ZNF274: variants seen among roughly 807,000 people sequenced by gnomAD.
ZNF274 encodes zinc finger protein 274.
Under a neutral mutation model 42.5 loss-of-function variants are expected in ZNF274, and 23 were observed. The observed-to-expected ratio is 0.54, with a 90% CI of 0.39 to 0.77. The LOEUF is 0.77. Ranked by LOEUF, ZNF274 falls within the 30% of genes least tolerant of loss-of-function variation. ZNF274 has a pLI of 0.00. For missense variants in ZNF274, 679 were observed against 806.5 expected (o/e 0.84, Z 1.91); for synonymous variants, 292 against 305.4 (o/e 0.96, Z 0.46).
intron 4 of ZNF274, among the ~76,000 whole-genome samples, chr19:58,200,397 ATAAAT>A (rs2075895929): frequency 6.6e-6 from 1 of 152,232 alleles, no homozygotes; most frequent in Non-Finnish European, 1.5e-5. Flanking sequence ...GATAGACATG[ATAAAT>A]TAATGAATCA....
At chr19:58,199,151 A>AG (rs2075878903) in intron 4 of ZNF274, among the ~76,000 whole-genome samples, 1 of 152,052 alleles carries the variant, frequency 6.6e-6, no homozygotes. Flanking sequence ...GGATCACCTG[A>AG]GGTCAGGAGT....
intron 4 of ZNF274, among the ~76,000 whole-genome samples, chr19:58,198,736 A>G (rs1422289114): frequency 6.6e-6 from 1 of 152,054 alleles, no homozygotes; most frequent in Admixed American, 6.6e-5. Flanking sequence ...CAAACAAAAC[A>G]TGGAAAGATT....
chr19:58,185,489 A>G (rs1388701691), intron 2 of ZNF274: 2 of 286,464 alleles, frequency 7.0e-6, no homozygotes, highest in East Asian at 1.2e-4. Context: ...CATATGCTAC[A>G]GAGATCTCAT....
At chr19:58,204,387 G>C (rs1324890265) in intron 4 of ZNF274, among the ~76,000 whole-genome samples, 3 of 152,124 alleles carry the variant, frequency 2.0e-5, no homozygotes, top group Non-Finnish European at 4.4e-5. Flanking sequence ...GGCGTTGTAG[G>C]CGTCGACCCA....
At position 58,188,694 on chromosome 19, in the gene ZNF274, GTATATATATA is replaced by G. The variant is rs71925177; in HGVS notation, c.256+1673_256+1682del. ...TGTGTGTGTATATATATATGTATAT[GTATATATATA>G]TATATATATATATATATATAAATCT... On this transcript the variant is annotated intron_variant, in intron 4 of 7. Transcript: ENST00000617501. Among the ~76,000 whole-genome samples the G allele has an allele frequency of 5.1e-3, 382 of 74,662 alleles. 9 individuals are homozygous for G. Among genetic ancestry groups the G allele is most frequent in the African/African-American group, 0.019 (354 of 18,522 alleles). The allele number at this position is 74,662 out of a possible 152,430, so 49.0% of individuals were successfully genotyped here.
intron 4 of ZNF274, among the ~76,000 whole-genome samples, chr19:58,202,915 TACAGAACAGAGTGTGGGGCCTC>T (rs1167501653): frequency 2.0e-5 from 3 of 152,036 alleles, no homozygotes; most frequent in Non-Finnish European, 2.9e-5. Flanking sequence ...GATAACTGTG[TACAGAACAGAGTGTGGGGCCTC>T]ATGGGTTAAT....
At chr19:58,203,091 A>G (rs2075933705) in intron 4 of ZNF274, among the ~76,000 whole-genome samples, 1 of 152,170 alleles carries the variant, frequency 6.6e-6, no homozygotes, top group Admixed American at 6.5e-5. Flanking sequence ...TTATGAAGTA[A>G]CGTTTAAGAT....
rs534052562 is a variant in ZNF274 at position 58,209,683 on chromosome 19, A to C, written c.740-278A>C. 3.7e-5 allele frequency: 10 copies of C among 273,588 alleles called. No homozygotes were observed. The Admixed American group carries it at 5.3e-4, about 15-fold the overall frequency. 16.9% of individuals were successfully genotyped at this position (273,588 alleles called of 1,614,324 possible). On this transcript the variant is annotated intron_variant, in intron 5 of 7. Coordinates refer to ENST00000617501, the MANE Select transcript of ZNF274 (RefSeq NM_133502.3). ...GGCTGGGGCCCTCAGCAGCCCCCGGAAAGGGAAGGAGTGGGACCAGAGTCT... is the reference window on the plus strand; with the variant it reads ...GGCTGGGGCCCTCAGCAGCCCCCGGCAAGGGAAGGAGTGGGACCAGAGTCT...
chr19:58,213,038 T>C lies in ZNF274; in HGVS notation c.1857T>C (p.Tyr619=). 6.2e-7 allele frequency: 1 copy of C among 1,614,014 alleles called. No individual in the cohort carries two copies. Among genetic ancestry groups the C allele is most frequent in the South Asian group, 1.1e-5 (1 of 91,078 alleles). ...HQRTHTGERP[Y]ACNKCGKAFT... is the part of the protein sequence containing the mutation. ...GGACTCACACCGGGGAGCGCCCATA[T>C]GCATGCAACAAATGTGGAAAGGCCT... Residue 619 remains tyrosine (Y), a synonymous_variant, in exon 8 of 8, where the codon TAT becomes TAC. Coordinates refer to ENST00000617501, the MANE Select transcript of ZNF274 (RefSeq NM_133502.3).
chr19:58,205,635 A>G (rs2075971572), intron 4 of ZNF274, among the ~76,000 whole-genome samples: 2 of 152,146 alleles, frequency 1.3e-5, no homozygotes, highest in African/African-American at 2.4e-5. Flanking sequence ...CCGCTGGCCA[A>G]ATTATTTAGA....
chr19:58,199,209 T>C (rs2075879679), intron 4 of ZNF274, among the ~76,000 whole-genome samples: 3 of 151,218 alleles, frequency 2.0e-5, no homozygotes, highest in Admixed American at 2.0e-4. Flanking sequence ...CTACTAAAAC[T>C]ACAAAAAATA....
chr19:58,195,862 GGATCTGACA>G (rs751309043), intron 4 of ZNF274, among the ~76,000 whole-genome samples: 12 of 152,120 alleles, frequency 7.9e-5, no homozygotes, highest in Non-Finnish European at 1.6e-4. Flanking sequence ...GTGCCACTGC[GGATCTGACA>G]GGAGGTGGAG....
chr19:58,211,789 C>A lies in ZNF274; in HGVS notation c.979+103C>A. The A allele has an allele frequency of 6.8e-7, 1 of 1,460,454 alleles. No individual in the cohort carries two copies. The highest frequency in any genetic ancestry group is 2.4e-5 in the East Asian group (1 of 42,350). 90.5% of individuals were successfully genotyped at this position (1,460,454 alleles called of 1,614,324 possible). On this transcript the variant is annotated intron_variant, in intron 7 of 7. Transcript: ENST00000617501. The surrounding 1 kb of genome is among the most constrained non-coding windows in gnomAD (Gnocchi z 4.8). Reference sequence around the variant, plus strand: ...CTAGACTCCACACTGGGCATTCCCTCAAGGGGCCCTTGCTGCATCCAGGGC... The same window carrying A: ...CTAGACTCCACACTGGGCATTCCCTAAAGGGGCCCTTGCTGCATCCAGGGC...
At chr19:58,195,040 A>T (rs1248084104) in intron 4 of ZNF274, among the ~76,000 whole-genome samples, 1 of 151,300 alleles carries the variant, frequency 6.6e-6, no homozygotes, top group African/African-American at 2.4e-5. Context: ...ATAAATAAAA[A>T]TACAAAAATT....
chr19:58,188,898 T>C (rs932451451), intron 4 of ZNF274, among the ~76,000 whole-genome samples: 1 of 149,500 alleles, frequency 6.7e-6, no homozygotes, highest in African/African-American at 2.5e-5. Context: ...AAAAAAAAAT[T>C]AAAAATCCTT....
chr19:58,200,541 C>T (rs1600146499), intron 4 of ZNF274, among the ~76,000 whole-genome samples: 1 of 151,998 alleles, frequency 6.6e-6, no homozygotes, highest in East Asian at 1.9e-4. Context: ...GAGGAGGTGA[C>T]GTTTGAGCTC....
chr19:58,195,617 C>T (rs1280072671), intron 4 of ZNF274, among the ~76,000 whole-genome samples: 1 of 152,150 alleles, frequency 6.6e-6, no homozygotes, highest in Admixed American at 6.5e-5. Context: ...GTGTGCTTCT[C>T]GAGCTTCCCA....
chr19:58,189,864 C>T (rs920703012), intron 4 of ZNF274, among the ~76,000 whole-genome samples: 1 of 152,212 alleles, frequency 6.6e-6, no homozygotes, highest in South Asian at 2.1e-4. Context: ...GTGGCTCACA[C>T]CTGTAATCCC....
rs573500802 is a variant in ZNF274 at position 58,186,857 on chromosome 19, G to C, written c.161-90G>C. The C allele has an allele frequency of 5.7e-4, 621 of 1,080,796 alleles. 2 individuals carry two copies. The highest frequency in any genetic ancestry group is 1.9e-3 in the South Asian group (132 of 70,394). The allele number at this position is 1,080,796 out of a possible 1,614,324, so 67.0% of individuals were successfully genotyped here. ...CCAGAAGTCATGTGCCTTAGCAGGGGAGAAGCTGGAGACGGCTTGTGCTGC... is the reference window on the plus strand; with the variant it reads ...CCAGAAGTCATGTGCCTTAGCAGGGCAGAAGCTGGAGACGGCTTGTGCTGC... On this transcript the variant is annotated intron_variant, in intron 3 of 7. Transcript: ENST00000617501.
Sources: gnomAD v4.1 joint callset for allele counts (sites outside exome capture counted in the v4.1 genomes callset) on GRCh38, gnomAD v4.1.1 for gene constraint, Gnocchi (gnomAD v3.1) non-coding constraint, MANE v1.5 for transcripts, NCBI Gene and HGNC (gene_info 2026-07-23, HGNC 2026-07-21) for gene names.